Variants in NIN observed in about 807,000 individuals in gnomAD.
The protein encoded by NIN is ninein.
In NIN, 137 loss-of-function variants were observed where a neutral mutation model predicts 257.6. The ratio of observed to expected loss-of-function variants is 0.53; its 90% CI spans 0.46 to 0.61. The LOEUF (loss-of-function observed/expected upper bound fraction) is 0.61. Ranked by LOEUF, NIN falls within the 20% of genes least tolerant of loss-of-function variation. The pLI, the probability that NIN is intolerant of heterozygous loss-of-function variation, is 0.00. For missense variants in NIN, 2,439 were observed against 2,501.2 expected (o/e 0.98, Z 0.53); for synonymous variants, 918 against 919.8 (o/e 1.00, Z 0.04).
intron 5 of NIN, among the ~76,000 whole-genome samples, chr14:50,784,029 T>G (rs1025310262): frequency 6.6e-6 from 1 of 152,214 alleles, no homozygotes; most frequent in Admixed American, 6.5e-5. Context: ...TTTCTTCCCT[T>G]GAAATATACG....
intron 29 of NIN, 27 bp from the exon 30 acceptor site, chr14:50,726,093 G>T (rs767663346): frequency 6.5e-7 from 1 of 1,546,760 alleles, no homozygotes. Context: ...TATATTATTC[G>T]AAAATCATGT....
At chr14:50,725,925 G>A (rs1436735925) in intron 30 of NIN, 28 bp downstream of exon 30, 1 of 1,613,986 alleles carries the variant, frequency 6.2e-7, no homozygotes, top group Non-Finnish European at 8.5e-7. Flanking sequence ...TGTGAGGTGG[G>A]TGAACAGAGA....
At position 50,757,119 on chromosome 14, in the gene NIN, A is replaced by G; in HGVS notation, c.3911T>C (p.Phe1304Ser). The G allele has an allele frequency of 6.2e-7, 1 of 1,612,730 alleles. No individual in the cohort carries two copies. The highest frequency in any genetic ancestry group is 8.5e-7 in the Non-Finnish European group (1 of 1,179,592). The part of the protein sequence containing the change: ...LKKMEEVTET[F>S]LSLEKSYDEV... ...ATCGTAACTCTTTTCCAGGCTGAGG[A>G]ATGTTTCAGTGACTTCCTCCATTTT... Residue 1304 changes from phenylalanine (F) to serine (S), a missense_variant, in exon 18 of 31, where the codon TTC (phenylalanine) becomes TCC (serine). Physicochemically the swap from Phe to Ser is radical, Grantham distance 155. Around this residue, in one of 3 missense-constraint regions of NIN, gnomAD observed 2,043 missense variants for 2,050.2 expected, o/e 1.00. Coordinates refer to ENST00000530997, the MANE Select transcript of NIN (RefSeq NM_020921.4).
chr14:50,757,557 G>A lies in NIN; in HGVS notation c.3473C>T (p.Thr1158Ile), dbSNP rs760893080. 5 of 1,613,896 alleles carry A rather than the reference G, an allele frequency of 3.1e-6. No homozygotes were observed. The highest frequency in any genetic ancestry group is 4.5e-5 in the East Asian group (2 of 44,882). Residue 1158 changes from threonine (T) to isoleucine (I), a missense_variant, in exon 18 of 31, where the codon ACA becomes ATA. Thr to Ile is a moderately conservative substitution (Grantham distance 89, BLOSUM62 -1). Transcript: ENST00000530997. ...CTGTCTCTGAACAGAGCTCGTCCCTGTACTTCCCAGGTCCCGGACCTCATC... is the reference window on the plus strand; with the variant it reads ...CTGTCTCTGAACAGAGCTCGTCCCTATACTTCCCAGGTCCCGGACCTCATC... ...EDDEVRDLGS[T>I]GTSSVQRQEV...
At chr14:50,794,687 A>G (rs1009102419) in intron 4 of NIN, among the ~76,000 whole-genome samples, 1 of 152,046 alleles carries the variant, frequency 6.6e-6, no homozygotes, top group Non-Finnish European at 1.5e-5. Flanking sequence ...TTTTCCCAGT[A>G]TAAGAACAAA....
intron 28 of NIN, among the ~76,000 whole-genome samples, chr14:50,732,940 TC>T (rs2040792248): frequency 6.6e-6 from 1 of 151,608 alleles, no homozygotes; most frequent in Non-Finnish European, 1.5e-5. Context: ...ATAGGAGAGA[TC>T]AGGGAACTCC....
rs763415712 is a variant in NIN, at chr14:50,752,534, T to C, written c.4934A>G (p.Glu1645Gly). The change falls in exon 21 of 31, where the codon GAA becomes GGA. Residue 1645 changes from glutamate (E) to glycine (G), a missense_variant. Around this residue, in one of 3 missense-constraint regions of NIN, gnomAD observed 2,043 missense variants for 2,050.2 expected, o/e 1.00. Transcript: ENST00000530997. ...QEKFNLKEEL[E>G]RCKVQSSTLV... ...AGGCCATACCTGCACTTTACAACGT[T>C]CCAGTTCTTCTTTCAGATTAAACTT... 15 of 1,613,756 alleles carry C rather than the reference T, an allele frequency of 9.3e-6. No individual in the cohort carries two copies. The Admixed American group carries it at 2.3e-4, about 25-fold the overall frequency.
At chr14:50,830,008 T>C (rs57374549) in intron 2 of NIN, among the ~76,000 whole-genome samples, 3,431 of 152,298 alleles carry the variant, frequency 0.023, 150 homozygotes, top group African/African-American at 0.079. Context: ...GGAAACTGTT[T>C]ACGCGCATCG....
intron 28 of NIN, among the ~76,000 whole-genome samples, chr14:50,732,392 A>C (rs1481446818): frequency 6.6e-6 from 1 of 152,214 alleles, no homozygotes; most frequent in African/African-American, 2.4e-5. Flanking sequence ...CACACTGTGC[A>C]TCCCCCAAAT....
In NIN at chr14:50,754,752, C is replaced by A; in HGVS notation, c.4654G>T (p.Glu1552Ter). The A allele has an allele frequency of 6.3e-7, 1 of 1,586,360 alleles. No homozygotes were observed. The highest frequency in any genetic ancestry group is 8.6e-7 in the Non-Finnish European group (1 of 1,164,652). ...AAGTATACGTCTTACCACATTTCTT[C>A]CTGAGATCCATTTAATGTCCCTAAT... is the stretch of plus-strand genomic sequence containing the variant. ...LKLGTLNGSQ[E>*]EMWQKTETVK... The change falls in exon 19 of 31, where the codon GAA (glutamate) becomes TAA (stop). Residue 1552 changes from glutamate (E) to a stop codon, truncating the protein, a stop_gained. Coordinates refer to ENST00000530997, the MANE Select transcript of NIN (RefSeq NM_020921.4). LOFTEE classifies it high-confidence loss of function.
chr14:50,784,336 C>T (rs1041205181), intron 5 of NIN, among the ~76,000 whole-genome samples: 7 of 152,194 alleles, frequency 4.6e-5, no homozygotes, highest in Non-Finnish European at 8.8e-5. Flanking sequence ...GAACCATACT[C>T]GAGTTCAATT....
chr14:50,791,805 G>A (rs375670685), intron 5 of NIN, among the ~76,000 whole-genome samples: 56 of 23,066 alleles, frequency 2.4e-3, no homozygotes, highest in South Asian at 5.6e-3. Flanking sequence ...ACAGGTGCAC[G>A]CGCACACACA....
At chr14:50,752,147 A>C (rs1300668162) in intron 21 of NIN, among the ~76,000 whole-genome samples, 4 of 117,996 alleles carry the variant, frequency 3.4e-5, no homozygotes, top group South Asian at 2.6e-4. Flanking sequence ...TTTTCTTCAA[A>C]TATTTGTATA....
chr14:50,747,874 C>G, intron 22 of NIN, 118 bp downstream of exon 22: 1 of 696,862 alleles, frequency 1.4e-6, no homozygotes, highest in Non-Finnish European at 2.5e-6. Flanking sequence ...CCTCAGCTAC[C>G]AAGCTAGTTG....
Position 50,766,405 on chromosome 14 carries a change from G to T in NIN, c.1546-9C>A. On this transcript the variant is annotated splice_polypyrimidine_tract_variant and intron_variant, in intron 13 of 30. Coordinates refer to ENST00000530997, the MANE Select transcript of NIN (RefSeq NM_020921.4). ...GGATCGAGGTCACCAAACTAGAAGG[G>T]GAAAAGGGCAAAGCTGTCATTTTTC... 6.2e-7 allele frequency: 1 copy of T among 1,613,754 alleles called. No individual in the cohort carries two copies. Among genetic ancestry groups the T allele is most frequent in the Non-Finnish European group, 8.5e-7 (1 of 1,179,696 alleles).
chr14:50,724,941 C>T (rs2040354421), intron 30 of NIN, among the ~76,000 whole-genome samples: 1 of 152,184 alleles, frequency 6.6e-6, no homozygotes, highest in South Asian at 2.1e-4. Context: ...TATTTCTGAA[C>T]CTACCATTTG....
rs1344824668 is a variant in NIN at position 50,722,270 on chromosome 14, A to G, written c.*1193T>C. 4.5e-6 allele frequency: 1 copy of G among 223,400 alleles called. No individual in the cohort carries two copies. The highest frequency in any genetic ancestry group is 6.5e-5 in the East Asian group (1 of 15,456). The allele number at this position is 223,400 out of a possible 1,614,324, so 13.8% of individuals were successfully genotyped here. Reference sequence around the variant, plus strand: ...ACTCCTTGACCTCAGGTGGCATGCCAATGATTATCACAGTAAGAAATTCTT... The same window carrying G: ...ACTCCTTGACCTCAGGTGGCATGCCGATGATTATCACAGTAAGAAATTCTT... On this transcript the variant is annotated 3_prime_UTR_variant, in exon 31 of 31. Transcript: ENST00000530997.
chr14:50,726,868 G>T (rs984741963), intron 29 of NIN, among the ~76,000 whole-genome samples: 1 of 152,200 alleles, frequency 6.6e-6, no homozygotes, highest in African/African-American at 2.4e-5. Flanking sequence ...GCTGATGGTA[G>T]TTAAGATATA....
chr14:50,746,935 C>T (rs2041572647), intron 22 of NIN, among the ~76,000 whole-genome samples: 1 of 152,184 alleles, frequency 6.6e-6, no homozygotes, highest in Non-Finnish European at 1.5e-5. Flanking sequence ...AATCTCAGCT[C>T]ACTGGAGGCT....
Sources: allele counts gnomAD v4.1 joint callset (sites outside exome capture counted in the v4.1 genomes callset), GRCh38; gene constraint gnomAD v4.1.1; regional missense constraint gnomAD v4.1.1; transcripts MANE v1.5; gene names NCBI Gene and HGNC (gene_info 2026-07-23, HGNC 2026-07-21).